Variants in STRN3 observed in about 807,000 individuals in gnomAD.
STRN3 encodes the protein striatin-3.
STRN3 carries 29 observed loss-of-function variants against 95.6 expected under a neutral mutation model. The ratio of observed to expected loss-of-function variants is 0.30; its 90% CI spans 0.23 to 0.41. The LOEUF (loss-of-function observed/expected upper bound fraction) is 0.41. Ranked by LOEUF, STRN3 falls within the 10% of genes least tolerant of loss-of-function variation. The pLI, the probability that STRN3 is intolerant of heterozygous loss-of-function variation, is 1.00. For synonymous variants in STRN3, 331 were observed against 357.6 expected (o/e 0.93, Z 0.84); for missense variants, 890 against 972.1 (o/e 0.92, Z 1.12).
chr14:30,943,450 A>G (rs11625978), intron 5 of STRN3, among the ~76,000 whole-genome samples: 21,970 of 152,002 alleles, frequency 0.14, 1,800 homozygotes, highest in South Asian at 0.33. Context: ...AACTTAAAGA[A>G]TCAGCCAGGT....
chr14:30,960,466 A>G (rs1395147466), intron 1 of STRN3, among the ~76,000 whole-genome samples: 1 of 152,234 alleles, frequency 6.6e-6, no homozygotes, highest in Non-Finnish European at 1.5e-5. Flanking sequence ...GAAACAAACT[A>G]AAGCATAGAA....
Position 30,935,193 on chromosome 14 carries a change from C to T in STRN3, c.958G>A (p.Ala320Thr). 3 of 1,614,134 alleles carry T rather than the reference C, an allele frequency of 1.9e-6. No homozygotes were observed. Among genetic ancestry groups the T allele is most frequent in the East Asian group, 2.2e-5 (1 of 44,878 alleles). Residue 320 changes from alanine to threonine, a missense_variant, in exon 7 of 18, where the codon GCA becomes ACA. Ala to Thr is a moderately conservative substitution (Grantham distance 58, BLOSUM62 0). Transcript: ENST00000357479. ...TCTGTGCCATCCCCCGAACTCCGTG[C>T]TTCTCCAGCTCCTTCACCATCTTCA... ...TAEDGEGAGE[A>T]RSSGDGTEWD... is the part of the protein sequence containing the mutation.
chr14:31,022,045 T>C (rs1594598350), intron 1 of STRN3, among the ~76,000 whole-genome samples: 1 of 152,144 alleles, frequency 6.6e-6, no homozygotes, highest in Non-Finnish European at 1.5e-5. Context: ...TAAAAATGTA[T>C]GAAGGCTAAA....
Position 31,025,921 on chromosome 14 carries a change from C to G in STRN3, c.265G>C (p.Glu89Gln), listed in dbSNP as rs1388650505. 2 of 1,601,208 alleles carry G rather than the reference C, an allele frequency of 1.2e-6. No individual in the cohort carries two copies. Among genetic ancestry groups the G allele is most frequent in the South Asian group, 1.1e-5 (1 of 89,356 alleles). Residue 89 changes from glutamate to glutamine, a missense_variant, in exon 1 of 18, where the codon GAA becomes CAA. Coordinates refer to ENST00000357479, the MANE Select transcript of STRN3 (RefSeq NM_001083893.2). ...FEMERAHWEV[E>Q]RAELQARIAF... Reference sequence around the variant, plus strand: ...CGAGGTACCTGCAGTTCGGCCCGTTCCACCTCCCAGTGCGCCCGCTCCATC... The same window carrying G: ...CGAGGTACCTGCAGTTCGGCCCGTTGCACCTCCCAGTGCGCCCGCTCCATC...
At chr14:30,938,433 A>G (rs1247174412) in intron 5 of STRN3, among the ~76,000 whole-genome samples, 4 of 152,198 alleles carry the variant, frequency 2.6e-5, no homozygotes, top group African/African-American at 9.6e-5. Context: ...AATTTAAAAG[A>G]ATTTTTTTTA....
intron 1 of STRN3, among the ~76,000 whole-genome samples, chr14:30,974,873 C>T (rs998900192): frequency 6.6e-6 from 1 of 151,804 alleles, no homozygotes; most frequent in Non-Finnish European, 1.5e-5. Context: ...AGAGTGAGCA[C>T]ATGCTGTTGG....
intron 16 of STRN3, among the ~76,000 whole-genome samples, chr14:30,898,962 C>T (rs907340805): frequency 1.3e-5 from 2 of 152,180 alleles, no homozygotes; most frequent in Non-Finnish European, 2.9e-5. Flanking sequence ...TCTTTAAGCC[C>T]TTCAACCTCA....
intron 8 of STRN3, among the ~76,000 whole-genome samples, chr14:30,925,002 A>G (rs566617441): frequency 6.6e-6 from 1 of 152,338 alleles, no homozygotes; most frequent in South Asian, 2.1e-4. Context: ...CAAAATAAAA[A>G]GTTAAAAGGA....
chr14:31,022,738 G>A (rs559094527), intron 1 of STRN3, among the ~76,000 whole-genome samples: 1 of 152,108 alleles, frequency 6.6e-6, no homozygotes, highest in South Asian at 2.1e-4. Context: ...ACAGACTTGG[G>A]TTCAAATCTC....
At chr14:30,959,818 C>T (rs2139156641) in intron 1 of STRN3, among the ~76,000 whole-genome samples, 1 of 151,600 alleles carries the variant, frequency 6.6e-6, no homozygotes, top group African/African-American at 2.4e-5. Flanking sequence ...ATAAAAGTAA[C>T]TAGGAAAAAA....
intron 7 of STRN3, among the ~76,000 whole-genome samples, chr14:30,933,524 T>C (rs1454606416): frequency 6.6e-6 from 1 of 152,060 alleles, no homozygotes; most frequent in Non-Finnish European, 1.5e-5. Flanking sequence ...TTGAAGTTAC[T>C]GGAAAAAGAT....
In STRN3 at chr14:30,919,038, A is replaced by G. The variant is rs1422916847; in HGVS notation, c.1168T>C (p.Ser390Pro). ...LGDDELPHIP[S>P]GIINQSRSAS... ...GACCTAGACTGATTAATGATTCCTG[A>G]AGGGATGTGGGGCAGCTCATCATCT... The change falls in exon 9 of 18, where the codon TCA becomes CCA. Residue 390 changes from serine to proline, a missense_variant. Ser to Pro is a moderately conservative substitution (Grantham distance 74). Around this residue, in one of 3 missense-constraint regions of STRN3, gnomAD observed 526 missense variants for 526.3 expected, o/e 1.00. Coordinates refer to ENST00000357479, the MANE Select transcript of STRN3 (RefSeq NM_001083893.2). 6.2e-7 allele frequency: 1 copy of G among 1,612,174 alleles called. No homozygotes were observed. Among genetic ancestry groups the G allele is most frequent in the Non-Finnish European group, 8.5e-7 (1 of 1,178,916 alleles).
At chr14:30,932,441 G>A (rs1878586709) in intron 7 of STRN3, 1 of 145,434 alleles carries the variant, frequency 6.9e-6, no homozygotes, top group Non-Finnish European at 1.5e-5. Context: ...TGGAAATACT[G>A]CATAAATCAC....
chr14:30,895,343 C>A lies in STRN3; in HGVS notation c.*68G>T. The A allele has an allele frequency of 5.4e-6, 8 of 1,477,186 alleles. No homozygotes were observed. Among genetic ancestry groups the A allele is most frequent in the Non-Finnish European group, 7.2e-6 (8 of 1,107,284 alleles). 91.5% of individuals were successfully genotyped at this position (1,477,186 alleles called of 1,614,324 possible). A position where few individuals can be genotyped will look rare whatever the true frequency, so the allele number is the denominator to read the frequency against. On this transcript the variant is annotated 3_prime_UTR_variant, in exon 18 of 18. Transcript: ENST00000357479. ...ATGTAGTGTCATATCAGTAACCTTT[C>A]TGATGGCAGTGATGCAGACCCTCTT...
intron 8 of STRN3, among the ~76,000 whole-genome samples, chr14:30,925,250 A>C (rs9322867): frequency 0.078 from 11,871 of 151,804 alleles, 1,597 homozygotes; most frequent in African/African-American, 0.27. Flanking sequence ...GGGGGGTAAA[A>C]AAAAGAAGGG....
chr14:31,013,763 TTC>T (rs1440656045), intron 1 of STRN3, among the ~76,000 whole-genome samples: 1 of 143,344 alleles, frequency 7.0e-6, no homozygotes. Flanking sequence ...GCTAAATTTT[TTC>T]TTTTCTGTAG....
At chr14:31,023,267 A>G (rs535119175) in intron 1 of STRN3, among the ~76,000 whole-genome samples, 1 of 152,176 alleles carries the variant, frequency 6.6e-6, no homozygotes, top group Non-Finnish European at 1.5e-5. Context: ...CATGTTATAT[A>G]AAAGTTAAGA....
At chr14:30,927,170 A>T (rs910755336) in intron 8 of STRN3, among the ~76,000 whole-genome samples, 1 of 152,092 alleles carries the variant, frequency 6.6e-6, no homozygotes, top group Non-Finnish European at 1.5e-5. Flanking sequence ...AATATTAGCC[A>T]GGTGTGGTGG....
At chr14:30,978,417 C>CT (rs1594529872) in intron 1 of STRN3, among the ~76,000 whole-genome samples, 1 of 152,148 alleles carries the variant, frequency 6.6e-6, no homozygotes, top group Non-Finnish European at 1.5e-5. Flanking sequence ...ATCTTATACC[C>CT]ATTCATGACA....
Sources: allele counts gnomAD v4.1 joint callset (sites outside exome capture counted in the v4.1 genomes callset), GRCh38; gene constraint gnomAD v4.1.1; regional missense constraint gnomAD v4.1.1; transcripts MANE v1.5; gene names NCBI Gene and HGNC (gene_info 2026-07-23, HGNC 2026-07-21).